Variants in ZNF644 observed in about 807,000 individuals in gnomAD.
ZNF644 encodes the protein zinc finger protein 644, also known as zinc finger motif enhancer binding protein 2.
In ZNF644, 20 loss-of-function variants were observed where a neutral mutation model predicts 108.0. That is an observed-to-expected ratio of 0.19 (90% confidence interval 0.13 to 0.27). The LOEUF (loss-of-function observed/expected upper bound fraction) is 0.27, where lower values mean the gene tolerates loss of function less well. ZNF644 is among the 10% of genes least tolerant of loss of function. The probability of loss-of-function intolerance (pLI) is 1.00; values close to 1 mark genes in which losing one functional copy is unlikely to be tolerated. For synonymous variants in ZNF644, 542 were observed against 539.1 expected (o/e 1.01, Z -0.08); for missense variants, 1,338 against 1,548.9 (o/e 0.86, Z 2.29).
chr1:90,962,705 A>G (rs558474997), intron 2 of ZNF644, among the ~76,000 whole-genome samples: 2 of 152,214 alleles, frequency 1.3e-5, no homozygotes, highest in South Asian at 4.2e-4. Flanking sequence ...TAGCAGCACC[A>G]CTAGCCCAAC....
chr1:91,021,761 A>C, intron 1 of ZNF644: 1 of 309,508 alleles, frequency 3.2e-6, no homozygotes. Flanking sequence ...CTCCTTGTGT[A>C]GCACCAACTC....
chr1:90,984,429 T>C (rs968478968), intron 1 of ZNF644, among the ~76,000 whole-genome samples: 3 of 151,202 alleles, frequency 2.0e-5, no homozygotes, highest in African/African-American at 7.3e-5. Flanking sequence ...CCAATATGAC[T>C]GGTGTCTTTT....
At chr1:90,946,953 G>A (rs961106306) in intron 2 of ZNF644, among the ~76,000 whole-genome samples, 3 of 152,124 alleles carry the variant, frequency 2.0e-5, no homozygotes, top group African/African-American at 4.8e-5. Context: ...GCAAAGTATA[G>A]TAAATACTAA....
At chr1:90,936,215 T>C (rs574797507) in intron 4 of ZNF644, among the ~76,000 whole-genome samples, 1 of 152,098 alleles carries the variant, frequency 6.6e-6, no homozygotes, top group South Asian at 2.1e-4. Flanking sequence ...AATAAGAAAC[T>C]CCTAACTTCT....
Position 90,971,628 on chromosome 1 carries a change from T to C in ZNF644, c.44+10682A>G, listed in dbSNP as rs533721077. Among the ~76,000 whole-genome samples the C allele has an allele frequency of 1.4e-4, 22 of 152,134 alleles. No individual in the cohort carries two copies. In the South Asian group the frequency reaches 4.6e-3, roughly 32 times the overall value. On this transcript the variant is annotated intron_variant, in intron 2 of 5. Transcript: ENST00000337393. ...AGAGATGGGATTTCACCATATTGAC[T>C]AGGCTGGTCTCAAACTCCTGATCTC...
chr1:91,009,668 G>A (rs1028372691), intron 1 of ZNF644, among the ~76,000 whole-genome samples: 1 of 152,000 alleles, frequency 6.6e-6, no homozygotes, highest in Non-Finnish European at 1.5e-5. Flanking sequence ...CAGCATACAA[G>A]TACAAGCTCT....
intron 2 of ZNF644, among the ~76,000 whole-genome samples, chr1:90,981,134 G>T (rs1656505798): frequency 6.6e-6 from 1 of 152,036 alleles, no homozygotes; most frequent in Non-Finnish European, 1.5e-5. Context: ...AGACCTTCAA[G>T]TACAAAAGAA....
chr1:90,959,941 C>T (rs530171118), intron 2 of ZNF644, among the ~76,000 whole-genome samples: 6 of 152,210 alleles, frequency 3.9e-5, no homozygotes, highest in East Asian at 1.9e-4. Flanking sequence ...TGCTATTCTA[C>T]GGAGCTTGAT....
chr1:90,935,367 T>C (rs1651206695), intron 4 of ZNF644: 1 of 985,698 alleles, frequency 1.0e-6, no homozygotes, highest in Non-Finnish European at 1.2e-6. Context: ...AAAAAGTGTA[T>C]TGTATCAAAC....
chr1:90,953,868 A>AT (rs1653454614), intron 2 of ZNF644, among the ~76,000 whole-genome samples: 1 of 151,796 alleles, frequency 6.6e-6, no homozygotes, highest in African/African-American at 2.4e-5. Context: ...GTGAGCTGAG[A>AT]TCGCGCCACT....
intron 2 of ZNF644, among the ~76,000 whole-genome samples, chr1:90,944,474 T>C (rs1311044325): frequency 6.6e-6 from 1 of 152,004 alleles, no homozygotes. Context: ...AAGTTTTCCT[T>C]CACATCCACA....
chr1:91,002,667 A>T (rs548599464), intron 1 of ZNF644, among the ~76,000 whole-genome samples: 6 of 152,336 alleles, frequency 3.9e-5, no homozygotes, highest in Non-Finnish European at 8.8e-5. Flanking sequence ...ACAAAAGCCA[A>T]AATTGACAAA....
At chr1:90,918,866 T>A (rs1228970822) in intron 4 of ZNF644, among the ~76,000 whole-genome samples, 3 of 152,088 alleles carry the variant, frequency 2.0e-5, no homozygotes, top group African/African-American at 7.2e-5. Context: ...TATAAATCCA[T>A]ATTATCTCAC....
intron 2 of ZNF644, among the ~76,000 whole-genome samples, chr1:90,958,622 T>C (rs1357455946): frequency 1.3e-5 from 2 of 151,980 alleles, no homozygotes; most frequent in Non-Finnish European, 2.9e-5. Flanking sequence ...AGGGTAGACA[T>C]ACAGATCAAT....
intron 4 of ZNF644, among the ~76,000 whole-genome samples, chr1:90,918,809 A>G (rs1445883051): frequency 6.6e-6 from 1 of 152,164 alleles, no homozygotes; most frequent in Non-Finnish European, 1.5e-5. Flanking sequence ...TGCATATACA[A>G]TAATCAATTA....
intron 1 of ZNF644, among the ~76,000 whole-genome samples, chr1:91,012,392 C>A (rs1660039907): frequency 6.6e-6 from 1 of 151,440 alleles, no homozygotes; most frequent in Non-Finnish European, 1.5e-5. Context: ...GGAGGAGGAT[C>A]GCTTGAGCCT....
intron 1 of ZNF644, among the ~76,000 whole-genome samples, chr1:91,015,327 CA>C (rs760680090): frequency 4.1e-4 from 62 of 152,010 alleles, no homozygotes; most frequent in Non-Finnish European, 9.0e-4. Flanking sequence ...AGGAAAAGAG[CA>C]AAAGGAAATG....
chr1:90,917,963 C>T, intron 5 of ZNF644, 89 bp downstream of exon 5: 5 of 1,129,380 alleles, frequency 4.4e-6, no homozygotes, highest in Non-Finnish European at 6.7e-6. Context: ...TGCACTCTGC[C>T]ACAAATTAAA....
intron 2 of ZNF644, among the ~76,000 whole-genome samples, chr1:90,948,298 GC>G (rs1255660089): frequency 6.6e-6 from 1 of 152,152 alleles, no homozygotes; most frequent in Non-Finnish European, 1.5e-5. Flanking sequence ...TGTTGATGAA[GC>G]TTTTGCCCCA....
Sources: allele counts gnomAD v4.1 joint callset (sites outside exome capture counted in the v4.1 genomes callset), GRCh38; gene constraint gnomAD v4.1.1; transcripts MANE v1.5; gene names NCBI Gene and HGNC (gene_info 2026-07-23, HGNC 2026-07-21).